Variants in CHD8 observed in about 807,000 individuals in gnomAD.
CHD8 encodes the protein ATP-dependent chromatin remodeler CHD8.
Under a neutral mutation model 279.2 loss-of-function variants are expected in CHD8, and 31 were observed. The ratio of observed to expected loss-of-function variants is 0.11; its 90% CI spans 0.08 to 0.15. The LOEUF (loss-of-function observed/expected upper bound fraction) is 0.15, where lower values mean the gene tolerates loss of function less well. CHD8 is among the 10% of genes least tolerant of loss of function. The pLI is 1.00. For missense variants in CHD8, 2,146 were observed against 3,230.5 expected, an observed-to-expected ratio of 0.66 and a Z score of 8.14; for synonymous variants, 1,081 against 1,139.6, an observed-to-expected ratio of 0.95 and a Z score of 1.04.
At chr14:21,432,384 T>A (rs916263124) in intron 1 of CHD8, among the ~76,000 whole-genome samples, 1 of 152,300 alleles carries the variant, frequency 6.6e-6, no homozygotes, top group Admixed American at 6.5e-5. Context: ...TCATACAATT[T>A]TACCCAGGAA....
rs1413545805 is a variant in CHD8, at chr14:21,400,258, T to C, written c.4620A>G (p.Ser1540=). The C allele has an allele frequency of 1.9e-6, 3 of 1,613,998 alleles. No homozygotes were observed. In the Admixed American group the frequency reaches 5.0e-5, roughly 27 times the overall value. ...PRGRKGKKVK[S]QSTFDIHKAD... The stretch of plus-strand genomic sequence containing the variant: ...CCTTATGGATATCAAAAGTGCTTTG[T>C]GACTTTACTTTTTTTCCTTTGCGTC... Residue 1540 remains serine, a synonymous_variant, in exon 24 of 38, where the codon TCA becomes TCG. Coordinates refer to ENST00000646647, the MANE Select transcript of CHD8 (RefSeq NM_001170629.2). The surrounding 1 kb of genome is among the most constrained non-coding windows in gnomAD (Gnocchi z 4.2).
chr14:21,413,032 A>C, intron 9 of CHD8, 36 bp from the exon 10 acceptor site: 1 of 1,282,084 alleles, frequency 7.8e-7, no homozygotes, highest in Non-Finnish European at 1.1e-6. Context: ...TAAGACCAAA[A>C]GATCACTGTC....
intron 1 of CHD8, among the ~76,000 whole-genome samples, chr14:21,443,414 T>A (rs1890033798): frequency 6.6e-6 from 1 of 151,416 alleles, no homozygotes; most frequent in South Asian, 2.1e-4. Flanking sequence ...ACAACAGAAA[T>A]TAAGAATCAG....
intron 4 of CHD8, 196 bp from the exon 5 acceptor site, chr14:21,426,438 C>A (rs1008620697): frequency 1.9e-6 from 1 of 520,802 alleles, no homozygotes; most frequent in Admixed American, 3.7e-5. Context: ...ACTGACTGAC[C>A]CTTATACCAT....
Position 21,408,316 on chromosome 14 carries a change from G to A in CHD8, c.2726C>T (p.Ser909Leu), listed in dbSNP as rs774906516. The change falls in exon 13 of 38, where the codon TCA (serine) becomes TTA (leucine). Residue 909 changes from serine (S) to leucine (L), a missense_variant. Coordinates refer to ENST00000646647, the MANE Select transcript of CHD8 (RefSeq NM_001170629.2). The surrounding 1 kb of genome is among the most constrained non-coding windows in gnomAD (Gnocchi z 4.3). ...TTCCCAAGACATGCAACTCACCCGTGAATCTTTGCAGTACATTTCATACTG... is the reference window on the plus strand; with the variant it reads ...TTCCCAAGACATGCAACTCACCCGTAAATCTTTGCAGTACATTTCATACTG... Reference protein sequence around the residue: ...IQQYEMYCKDSRGRLIPGAYK... With the variant: ...IQQYEMYCKDLRGRLIPGAYK... The A allele has an allele frequency of 1.9e-6, 3 of 1,611,604 alleles. No homozygotes were observed. Among genetic ancestry groups the A allele is most frequent in the African/African-American group, 2.7e-5 (2 of 74,904 alleles).
chr14:21,416,028 CA>C (rs1336765707), intron 5 of CHD8, 121 bp from the exon 6 acceptor site: 11 of 785,984 alleles, frequency 1.4e-5, no homozygotes, highest in Non-Finnish European at 2.3e-5. Context: ...AAAATCAGAC[CA>C]AAAGATGATA....
chr14:21,430,398 C>G (rs1864583988), intron 2 of CHD8: 1 of 165,894 alleles, frequency 6.0e-6, no homozygotes, highest in Non-Finnish European at 1.3e-5. Flanking sequence ...ATAGCTTTTA[C>G]AAGTCTTGCA....
At chr14:21,426,341 A>G in intron 4 of CHD8, 99 bp from the exon 5 acceptor site, 1 of 644,580 alleles carries the variant, frequency 1.6e-6, no homozygotes, top group Non-Finnish European at 2.7e-6. Context: ...AAACTTCCAG[A>G]CAGAAGTTTT....
chr14:21,444,676 T>G (rs1890068999), intron 1 of CHD8, among the ~76,000 whole-genome samples: 1 of 152,178 alleles, frequency 6.6e-6, no homozygotes, highest in African/African-American at 2.4e-5. Context: ...CTTTTCAAGT[T>G]TTCCTTCAAT....
In CHD8 at chr14:21,430,994, A is replaced by G. The variant is rs772051389; in HGVS notation, c.650T>C (p.Ile217Thr). ...GGCCAACACTGTATTACCAGAGACA[A>G]TGGAAACACCTGGTCGAAGGGGTGT... is the stretch of plus-strand genomic sequence containing the variant. Reference protein sequence around the residue: ...TGTPLRPGVSIVSGNTVLAAK... With the variant: ...TGTPLRPGVSTVSGNTVLAAK... The change falls in exon 2 of 38, where the codon ATT becomes ACT. Residue 217 changes from isoleucine to threonine, a missense_variant. Coordinates refer to ENST00000646647, the MANE Select transcript of CHD8 (RefSeq NM_001170629.2). The G allele has an allele frequency of 6.3e-7, 1 of 1,599,564 alleles. No individual in the cohort carries two copies. Among genetic ancestry groups the G allele is most frequent in the Non-Finnish European group, 8.5e-7 (1 of 1,179,794 alleles).
At chr14:21,434,346 T>G (rs1889689406) in intron 1 of CHD8, among the ~76,000 whole-genome samples, 1 of 152,120 alleles carries the variant, frequency 6.6e-6, no homozygotes, top group South Asian at 2.1e-4. Flanking sequence ...ACGCTGAAAG[T>G]TTCTACTAAC....
rs1324186968 is a variant in CHD8 at position 21,452,506 on chromosome 14, G to A, written c.-216+3526C>T. On this transcript the variant is annotated intron_variant, in intron 1 of 37. Coordinates refer to ENST00000646647, the MANE Select transcript of CHD8 (RefSeq NM_001170629.2). ...TAAAAATACAAAAAATTAGCCAGGCGTGGTGGCACACGCCTTAACCCCAGC... is the reference window on the plus strand; with the variant it reads ...TAAAAATACAAAAAATTAGCCAGGCATGGTGGCACACGCCTTAACCCCAGC... 7.3e-5 allele frequency among the ~76,000 whole-genome samples: 11 copies of A among 151,478 alleles called. 1 individual carries two copies. The highest frequency in any genetic ancestry group is 2.4e-4 in the African/African-American group (10 of 41,244).
In CHD8 at chr14:21,426,260, A is replaced by T; in HGVS notation, c.1602-18T>A. Reference sequence around the variant, plus strand: ...TGATGGTGCTAAAAAGGAAAAACCAAATTCATTTTCAGTGAAAGCAAAGAA... The same window carrying T: ...TGATGGTGCTAAAAAGGAAAAACCATATTCATTTTCAGTGAAAGCAAAGAA... On this transcript the variant is annotated intron_variant, in intron 4 of 37. Coordinates refer to ENST00000646647, the MANE Select transcript of CHD8 (RefSeq NM_001170629.2). The T allele has an allele frequency of 7.4e-7, 1 of 1,350,514 alleles. No individual in the cohort carries two copies. The highest frequency in any genetic ancestry group is 1.0e-6 in the Non-Finnish European group (1 of 961,362). The allele number at this position is 1,350,514 out of a possible 1,614,324, so 83.7% of individuals were successfully genotyped here. A position where few individuals can be genotyped will look rare whatever the true frequency, so the allele number is the denominator to read the frequency against.
At chr14:21,425,034 T>C (rs1194489040) in intron 5 of CHD8, among the ~76,000 whole-genome samples, 1 of 152,172 alleles carries the variant, frequency 6.6e-6, no homozygotes, top group Non-Finnish European at 1.5e-5. Context: ...CCAAAGATGG[T>C]ACCATAAGGC....
rs1566453765 is a variant in CHD8, at chr14:21,441,665, T to TGG, written c.-215-9808_-215-9807insCC. On this transcript the variant is annotated intron_variant, in intron 1 of 37. Coordinates refer to ENST00000646647, the MANE Select transcript of CHD8 (RefSeq NM_001170629.2). ...GCACTTTGGGAGGCCAAGGCGGGCA[T>TGG]ATCACGAGGTCAGGAGATGGAGACC... is the stretch of plus-strand genomic sequence containing the variant. Among the ~76,000 whole-genome samples, 23 of 151,932 alleles carry TGG rather than the reference T, an allele frequency of 1.5e-4. No individual in the cohort carries two copies. In the South Asian group the frequency reaches 2.3e-3, roughly 15 times the overall value.
intron 1 of CHD8, among the ~76,000 whole-genome samples, chr14:21,434,313 T>C (rs555627441): frequency 2.0e-5 from 3 of 152,302 alleles, no homozygotes; most frequent in African/African-American, 7.2e-5. Flanking sequence ...CCCAAAGTGC[T>C]GGGATTATAG....
chr14:21,403,140 C>T lies in CHD8; in HGVS notation c.3591G>A (p.Lys1197=), dbSNP rs749994985. ...AGAAGACAAAGCGGTCTGAGTCAGGCTTGCTGAAGCGGTCAATGGCAGCCT... is the reference window on the plus strand; with the variant it reads ...AGAAGACAAAGCGGTCTGAGTCAGGTTTGCTGAAGCGGTCAATGGCAGCCT... The part of the protein sequence containing the change: ...LRQAAIDRFS[K]PDSDRFVFLL... The change falls in exon 18 of 38, where the codon AAG becomes AAA. Residue 1197 remains lysine, a synonymous_variant. Coordinates refer to ENST00000646647, the MANE Select transcript of CHD8 (RefSeq NM_001170629.2). The surrounding 1 kb of genome is among the most constrained non-coding windows in gnomAD (Gnocchi z 4.3). 1.4e-5 allele frequency: 23 copies of T among 1,614,048 alleles called. No individual in the cohort carries two copies. In the East Asian group the frequency reaches 4.9e-4, roughly 34 times the overall value.
At chr14:21,418,799 C>T (rs556026817) in intron 5 of CHD8, among the ~76,000 whole-genome samples, 2 of 152,244 alleles carry the variant, frequency 1.3e-5, no homozygotes, top group East Asian at 1.9e-4. Context: ...CCAGCCTGGG[C>T]GACACAGGGA....
Position 21,408,756 on chromosome 14 carries a change from G to A in CHD8, c.2434C>T (p.Arg812Trp), listed in dbSNP as rs1057518651. Residue 812 changes from arginine (R) to tryptophan (W), a missense_variant, in exon 12 of 38, where the codon CGG becomes TGG. By Grantham distance (101) the Arg-to-Trp change is moderately radical (BLOSUM62 -3). Coordinates refer to ENST00000646647, the MANE Select transcript of CHD8 (RefSeq NM_001170629.2). This position sits in a 1 kb window ranked among gnomAD's most constrained non-coding sequence, Gnocchi z 4.3. Reference protein sequence around the residue: ...SHEYKNRNQLREYQLEGVNWL... With the variant: ...SHEYKNRNQLWEYQLEGVNWL... ...TTAACCCCTTCCAACTGATATTCCC[G>A]TAGCTGGTTTCTGTTTTTATATTCA... The A allele has an allele frequency of 6.2e-7, 1 of 1,609,700 alleles. No individual in the cohort carries two copies. Among genetic ancestry groups the A allele is most frequent in the South Asian group, 1.1e-5 (1 of 90,344 alleles).
Sources: allele counts gnomAD v4.1 joint callset (sites outside exome capture counted in the v4.1 genomes callset), GRCh38; gene constraint gnomAD v4.1.1; non-coding constraint Gnocchi (gnomAD v3.1); transcripts MANE v1.5; gene names NCBI Gene and HGNC (gene_info 2026-07-23, HGNC 2026-07-21).